Variants in TNXB observed in about 807,000 individuals in gnomAD.
The protein encoded by TNXB is tenascin-X.
A neutral mutation model predicts 340.5 loss-of-function variants in TNXB; 183 were observed. That is an observed-to-expected ratio of 0.54 (90% confidence interval 0.48 to 0.61). TNXB has a LOEUF of 0.61. Among genes scored for constraint, TNXB ranks in the 20% least tolerant of loss-of-function variants. TNXB has a pLI of 0.00. For synonymous variants in TNXB, 2,121 were observed against 2,314.5 expected (o/e 0.92, Z 2.40); for missense variants, 4,613 against 5,446.4 (o/e 0.85, Z 4.82).
rs1582394351 is a variant in TNXB at position 32,064,716 on chromosome 6, G to C, written c.6841+105C>G. ...AGCAGAACCATTCCCAGGAGCTTGG[G>C]AGGCTTGGTCTCAGGGAAAGTAAAA... On this transcript the variant is annotated intron_variant, in intron 19 of 43. Transcript: ENST00000644971. The surrounding 1 kb of genome is among the most constrained non-coding windows in gnomAD (Gnocchi z 5.3). 5.5e-6 allele frequency: 8 copies of C among 1,443,706 alleles called. No individual in the cohort carries two copies. The East Asian group carries it at 1.9e-4, about 34-fold the overall frequency. 89.4% of individuals were successfully genotyped at this position (1,443,706 alleles called of 1,614,324 possible). A position where few individuals can be genotyped will look rare whatever the true frequency, so the allele number is the denominator to read the frequency against.
At position 32,058,254 on chromosome 6, in the gene TNXB, G is replaced by C; in HGVS notation, c.7629C>G (p.Thr2543=). 1 of 1,612,426 alleles carries C rather than the reference G, an allele frequency of 6.2e-7. No individual in the cohort carries two copies. The highest frequency in any genetic ancestry group is 8.5e-7 in the Non-Finnish European group (1 of 1,179,862). ...SSPDSLSLSW[T]VPQGRFDSFT... is the part of the protein sequence containing the mutation. ...AGGAGTCAAAGCGGCCCTGGGGGAC[G>C]GTCCAGGAAAGGCTCAGCGAGTCAG... The change falls in exon 22 of 44, where the codon ACC becomes ACG. Residue 2543 remains threonine, a synonymous_variant. Coordinates refer to ENST00000644971, the MANE Select transcript of TNXB (RefSeq NM_001365276.2). This position sits in a 1 kb window ranked among gnomAD's most constrained non-coding sequence, Gnocchi z 5.1.
rs1781079267 is a variant in TNXB, at chr6:32,108,361, C to T, written c.-9+820G>A. Reference sequence around the variant, plus strand: ...TGTCACGTGTACTGGTGGTGGGGGGCGGGGGCGGCGAGGTGAGGGAGAGTG... The same window carrying T: ...TGTCACGTGTACTGGTGGTGGGGGGTGGGGGCGGCGAGGTGAGGGAGAGTG... On this transcript the variant is annotated intron_variant, in intron 1 of 43. Transcript: ENST00000644971. The surrounding 1 kb of genome is among the most constrained non-coding windows in gnomAD (Gnocchi z 4.8). Among the ~76,000 whole-genome samples, 2 of 152,076 alleles carry T rather than the reference C, an allele frequency of 1.3e-5. No individual in the cohort carries two copies. Among genetic ancestry groups the T allele is most frequent in the South Asian group, 2.1e-4 (1 of 4,816 alleles).
intron 1 of TNXB, among the ~76,000 whole-genome samples, chr6:32,098,776 G>A (rs530820085): frequency 4.0e-5 from 5 of 126,544 alleles, no homozygotes; most frequent in Non-Finnish European, 8.9e-5. Flanking sequence ...CACCGCACCC[G>A]GCTCTACACT....
chr6:32,049,437 G>T lies in TNXB; in HGVS notation c.9590C>A (p.Thr3197Asn). Residue 3197 changes from threonine to asparagine, a missense_variant, in exon 28 of 44, where the codon ACC (threonine) becomes AAC (asparagine). Transcript: ENST00000644971. This position sits in a 1 kb window ranked among gnomAD's most constrained non-coding sequence, Gnocchi z 4.5. ...CCCGTCCCTGTCCTTGTACTGCACG[G>T]TGAAGGAGTCGAAGCGGCCCTGGGG... The part of the protein sequence containing the change: ...TVPQGRFDSF[T>N]VQYKDRDGQP... 4 of 1,612,702 alleles carry T rather than the reference G, an allele frequency of 2.5e-6. No individual in the cohort carries two copies. The highest frequency in any genetic ancestry group is 3.4e-6 in the Non-Finnish European group (4 of 1,179,860).
intron 3 of TNXB, 174 bp downstream of exon 3, chr6:32,095,437 G>T (rs1780275944): frequency 2.5e-6 from 2 of 797,252 alleles, no homozygotes; most frequent in Non-Finnish European, 3.9e-6. Flanking sequence ...AGATCTGAAG[G>T]CCAGTCCTGC....
In TNXB at chr6:32,087,231, G is replaced by A. The variant is rs1245718797; in HGVS notation, c.2780-1113C>T. 4.0e-6 allele frequency: 2 copies of A among 494,340 alleles called. No individual in the cohort carries two copies. The highest frequency in any genetic ancestry group is 8.0e-6 in the Non-Finnish European group (2 of 248,900). The allele number at this position is 494,340 out of a possible 1,614,324, so 30.6% of individuals were successfully genotyped here. A position where few individuals can be genotyped will look rare whatever the true frequency, so the allele number is the denominator to read the frequency against. On this transcript the variant is annotated intron_variant, in intron 6 of 43. Transcript: ENST00000644971. This position sits in a 1 kb window ranked among gnomAD's most constrained non-coding sequence, Gnocchi z 9.0. ...AGGCTGGACAAGGGATAGGTGTCCC[G>A]TGGCCCCAGCCCACACTACCTGTGG...
chr6:32,100,107 CTT>C (rs28892603), intron 1 of TNXB, among the ~76,000 whole-genome samples: 17 of 141,228 alleles, frequency 1.2e-4, no homozygotes, highest in Non-Finnish European at 9.3e-5. Flanking sequence ...AGCAAGATTT[CTT>C]TTTTTTTTTT....
rs1313389111 is a variant in TNXB at position 32,096,272 on chromosome 6, G to C, written c.1581C>G (p.Arg527=). 1.0e-5 allele frequency: 16 copies of C among 1,561,518 alleles called. No homozygotes were observed. Among genetic ancestry groups the C allele is most frequent in the Non-Finnish European group, 1.4e-5 (16 of 1,157,694 alleles). ...CGTGCCCACGGCAGTCCCCGGGACAGCGACGGCTCCCACAGTCCTCACCGG... is the reference window on the plus strand; with the variant it reads ...CGTGCCCACGGCAGTCCCCGGGACACCGACGGCTCCCACAGTCCTCACCGG... The part of the protein sequence containing the change: ...GFTGEDCGSR[R]CPGDCRGHGL... The change falls in exon 3 of 44, where the codon CGC becomes CGG. Residue 527 remains arginine (R), a synonymous_variant. Transcript: ENST00000644971.
chr6:32,044,164 G>C, intron 33 of TNXB, 35 bp from the exon 34 acceptor site: 1 of 1,459,400 alleles, frequency 6.9e-7, no homozygotes, highest in East Asian at 2.4e-5. Context: ...ACGCAGGCAG[G>C]GGCAGGGAGG....
At position 32,052,696 on chromosome 6, in the gene TNXB, C is replaced by T. The variant is rs1443590183; in HGVS notation, c.9089G>A (p.Gly3030Asp). Residue 3030 changes from glycine to aspartate, a missense_variant, in exon 26 of 44, where the codon GGC becomes GAC. Transcript: ENST00000644971. This position sits in a 1 kb window ranked among gnomAD's most constrained non-coding sequence, Gnocchi z 4.7. ...LYGLHEGQRVGPVSAVGVTAP... is the reference protein window; with the variant it reads ...LYGLHEGQRVDPVSAVGVTAP... Reference sequence around the variant, plus strand: ...TGTCACACCCACAGCGGACACTGGGCCCACGCGCTGCCCCTCGTGGAGGCC... The same window carrying T: ...TGTCACACCCACAGCGGACACTGGGTCCACGCGCTGCCCCTCGTGGAGGCC... 3.1e-6 allele frequency: 5 copies of T among 1,613,436 alleles called. No individual in the cohort carries two copies. The highest frequency in any genetic ancestry group is 1.7e-6 in the Non-Finnish European group (2 of 1,179,768).
rs112581362 is a variant in TNXB, at chr6:32,089,365, G to A, written c.2373C>T (p.Ser791=). ...TTGGAACCCGTGCTGTGAATGGGGG[G>A]CTCGCCCCCTCTGTCTGTGAGAGAG... ...IQFIPTTEGA[S]PPFTARVPSS... The change falls in exon 5 of 44, where the codon AGC becomes AGT. Residue 791 remains serine, a synonymous_variant. Transcript: ENST00000644971. This position sits in a 1 kb window ranked among gnomAD's most constrained non-coding sequence, Gnocchi z 6.2. 3,991 of 1,606,748 alleles carry A rather than the reference G, an allele frequency of 2.5e-3. 18 individuals are homozygous for A. The highest frequency in any genetic ancestry group is 0.015 in the African/African-American group (1,133 of 75,034).
At chr6:32,043,913 G>T (rs1226590353) in intron 34 of TNXB, 21 bp from the exon 35 acceptor site, 1 of 1,613,394 alleles carries the variant, frequency 6.2e-7, no homozygotes, top group Non-Finnish European at 8.5e-7. Context: ...TGGGGATCGA[G>T]GGTTACCCAG....
intron 19 of TNXB, among the ~76,000 whole-genome samples, chr6:32,063,404 G>GAAAAAAAAA (rs529135591): frequency 9.0e-6 from 1 of 110,928 alleles, no homozygotes; most frequent in Non-Finnish European, 2.0e-5. Flanking sequence ...TCAACATAAA[G>GAAAAAAAAA]AAAAAAAAAA....
At chr6:32,059,989 C>T (rs1777911319) in intron 21 of TNXB, among the ~76,000 whole-genome samples, 2 of 151,996 alleles carry the variant, frequency 1.3e-5, no homozygotes, top group African/African-American at 4.9e-5. Flanking sequence ...ATGATCTCCA[C>T]CCCTCCAATT....
Position 32,049,976 on chromosome 6 carries a change from G to A in TNXB, c.9439+22C>T. On this transcript the variant is annotated intron_variant, in intron 27 of 43. Transcript: ENST00000644971. The surrounding 1 kb of genome is among the most constrained non-coding windows in gnomAD (Gnocchi z 4.5). Reference sequence around the variant, plus strand: ...GTGGCCCTCCCACAGCTCCCACCCTGGGGCTCCCATCATTCACTCACCCGT... The same window carrying A: ...GTGGCCCTCCCACAGCTCCCACCCTAGGGCTCCCATCATTCACTCACCCGT... 1 of 1,612,336 alleles carries A rather than the reference G, an allele frequency of 6.2e-7. No homozygotes were observed. The highest frequency in any genetic ancestry group is 8.5e-7 in the Non-Finnish European group (1 of 1,178,638).
chr6:32,103,478 C>T (rs539365087), intron 1 of TNXB, among the ~76,000 whole-genome samples: 2 of 151,248 alleles, frequency 1.3e-5, no homozygotes, highest in Non-Finnish European at 3.0e-5. Context: ...CAATCTCACA[C>T]CCCCTCCAGC....
intron 25 of TNXB, 149 bp from the exon 26 acceptor site, chr6:32,053,142 GT>G: frequency 9.0e-7 from 1 of 1,114,440 alleles, no homozygotes; most frequent in Non-Finnish European, 1.3e-6. Flanking sequence ...GTCTTGCTCA[GT>G]TTACAGTCAA....
intron 1 of TNXB, among the ~76,000 whole-genome samples, chr6:32,104,082 G>A (rs1203727446): frequency 6.6e-6 from 1 of 152,092 alleles, no homozygotes; most frequent in Non-Finnish European, 1.5e-5. Context: ...GTAGCCAGGA[G>A]GGATATGAGG....
Position 32,073,775 on chromosome 6 carries a change from ACCACCTGGGGCTGCCCGT to A in TNXB, c.4535_4552del (p.Asp1512_Val1517del), listed in dbSNP as rs774779027. ...CTCTCGCTGGTCTGCCGCCACCGGC[ACCACCTGGGGCTGCCCGT>A]CCTTGTCCTTGTACTGGACTATGAA... is the stretch of plus-strand genomic sequence containing the variant. On this transcript the variant is annotated inframe_deletion, in exon 12 of 44. Transcript: ENST00000644971. The surrounding 1 kb of genome is among the most constrained non-coding windows in gnomAD (Gnocchi z 4.6). 1.1e-4 allele frequency: 184 copies of A among 1,612,820 alleles called. No individual in the cohort carries two copies. The highest frequency in any genetic ancestry group is 1.5e-4 in the Non-Finnish European group (176 of 1,179,598).
Sources: gnomAD v4.1 joint callset for allele counts (sites outside exome capture counted in the v4.1 genomes callset) on GRCh38, gnomAD v4.1.1 for gene constraint, Gnocchi (gnomAD v3.1) non-coding constraint, MANE v1.5 for transcripts, NCBI Gene and HGNC (gene_info 2026-07-23, HGNC 2026-07-21) for gene names.